The following ALK variants were observed in gnomAD, a reference collection of about 807,000 sequenced individuals.
The protein encoded by ALK is ALK receptor tyrosine kinase.
ALK carries 74 observed loss-of-function variants against 163.1 expected under a neutral mutation model. That is an observed-to-expected ratio of 0.45 (90% CI 0.38 to 0.55). The LOEUF (loss-of-function observed/expected upper bound fraction) is 0.55, where lower values mean the gene tolerates loss of function less well. Among genes scored for constraint, ALK ranks in the 20% least tolerant of loss-of-function variants. The pLI, the probability that ALK is intolerant of heterozygous loss-of-function variation, is 0.00. For missense variants in ALK, 2,063 were observed against 2,105.3 expected (o/e 0.98, Z 0.39); for synonymous variants, 960 against 843.2 (o/e 1.14, Z -2.40).
chr2:29,393,604 AACAAAG>A (rs1347068985), intron 4 of ALK, among the ~76,000 whole-genome samples: 6 of 152,292 alleles, frequency 3.9e-5, no homozygotes, highest in African/African-American at 1.4e-4. Flanking sequence ...CATCAAACCA[AACAAAG>A]ACATTGGGTC....
At chr2:29,423,887 T>C (rs999264400) in intron 4 of ALK, among the ~76,000 whole-genome samples, 7 of 152,174 alleles carry the variant, frequency 4.6e-5, no homozygotes, top group African/African-American at 1.7e-4. Flanking sequence ...TTATAAAATA[T>C]TAAAACAATA....
chr2:29,268,492 C>T (rs1374836113), intron 11 of ALK, among the ~76,000 whole-genome samples: 11 of 152,150 alleles, frequency 7.2e-5, no homozygotes, highest in African/African-American at 2.4e-4. Flanking sequence ...CACTTTGGCT[C>T]GTTCACAGCC....
At position 29,320,162 on chromosome 2, in the gene ALK, G is replaced by A. The variant is rs1336160132; in HGVS notation, c.1546+589C>T. Reference sequence around the variant, plus strand: ...ACCCAGGAGGGGCTGGCTATCTCTTGGCTGCGTGGAGGCCCTTTGCTCTCT... The same window carrying A: ...ACCCAGGAGGGGCTGGCTATCTCTTAGCTGCGTGGAGGCCCTTTGCTCTCT... On this transcript the variant is annotated intron_variant, in intron 7 of 28. Coordinates refer to ENST00000389048, the MANE Select transcript of ALK (RefSeq NM_004304.5). Among the ~76,000 whole-genome samples, 4 of 152,262 alleles carry A rather than the reference G, an allele frequency of 2.6e-5. No homozygotes were observed. The East Asian group carries it at 7.7e-4, about 29-fold the overall frequency.
chr2:29,852,091 G>A (rs1459929512), intron 1 of ALK, among the ~76,000 whole-genome samples: 2 of 152,142 alleles, frequency 1.3e-5, no homozygotes, highest in Admixed American at 6.5e-5. Flanking sequence ...TTTCTCTTCC[G>A]TTCCCTTAGA....
At chr2:29,194,792 A>C (rs1273736481) in intron 28 of ALK, among the ~76,000 whole-genome samples, 14 of 152,048 alleles carry the variant, frequency 9.2e-5, no homozygotes, top group Admixed American at 6.5e-4. Context: ...TGCTGGGATT[A>C]CAGGCATTCT....
At chr2:29,809,096 G>A (rs1277524583) in intron 1 of ALK, among the ~76,000 whole-genome samples, 1 of 152,190 alleles carries the variant, frequency 6.6e-6, no homozygotes, top group Non-Finnish European at 1.5e-5. Context: ...TAAACTTTAT[G>A]CAGAAGCTAA....
At chr2:29,557,309 C>T (rs538807227) in intron 3 of ALK, among the ~76,000 whole-genome samples, 2 of 152,166 alleles carry the variant, frequency 1.3e-5, no homozygotes, top group Admixed American at 1.3e-4. Flanking sequence ...ATTGAAAGTG[C>T]TTGATTCTCA....
chr2:29,821,545 G>A (rs552169818), intron 1 of ALK, among the ~76,000 whole-genome samples: 1 of 152,078 alleles, frequency 6.6e-6, no homozygotes, highest in Non-Finnish European at 1.5e-5. Flanking sequence ...GCCCTGAAAG[G>A]TCCAAGACCA....
chr2:29,906,387 T>C (rs138842741), intron 1 of ALK, among the ~76,000 whole-genome samples: 1 of 152,314 alleles, frequency 6.6e-6, no homozygotes, highest in African/African-American at 2.4e-5. Flanking sequence ...ATACTGAAGC[T>C]GCCCAATAAT....
chr2:29,666,951 T>C (rs1677531032), intron 3 of ALK, among the ~76,000 whole-genome samples: 1 of 152,156 alleles, frequency 6.6e-6, no homozygotes. Context: ...TTTGTCTTTC[T>C]GTGCCTGGCT....
intron 8 of ALK, among the ~76,000 whole-genome samples, chr2:29,297,485 T>C (rs1264941650): frequency 6.6e-6 from 1 of 152,210 alleles, no homozygotes; most frequent in African/African-American, 2.4e-5. Context: ...TTTCTTTTAG[T>C]GATTTAGGTA....
chr2:29,830,713 TAAAAAAAAA>T (rs530774574), intron 1 of ALK, among the ~76,000 whole-genome samples: 29 of 28,988 alleles, frequency 1.0e-3, no homozygotes, highest in African/African-American at 3.2e-3. Flanking sequence ...TAAAATAGTT[TAAAAAAAAA>T]AAAAAAAAAA....
chr2:29,720,592 T>G (rs879456098), intron 1 of ALK, among the ~76,000 whole-genome samples: 2 of 152,184 alleles, frequency 1.3e-5, no homozygotes, highest in Non-Finnish European at 2.9e-5. Context: ...AAAGCCCACA[T>G]GAATGCAGTT....
At chr2:29,236,389 G>A (rs1664382142) in intron 13 of ALK, among the ~76,000 whole-genome samples, 1 of 152,218 alleles carries the variant, frequency 6.6e-6, no homozygotes, top group Non-Finnish European at 1.5e-5. Context: ...CTGGGATGGG[G>A]AGGAGACAGC....
intron 5 of ALK, among the ~76,000 whole-genome samples, chr2:29,351,836 G>T (rs577800844): frequency 1.4e-4 from 22 of 152,302 alleles, no homozygotes; most frequent in Admixed American, 1.2e-3. Flanking sequence ...ACCAGAGAGA[G>T]AAGTGGCACT....
intron 1 of ALK, among the ~76,000 whole-genome samples, chr2:29,851,418 C>T (rs987202002): frequency 6.6e-6 from 1 of 152,186 alleles, no homozygotes; most frequent in African/African-American, 2.4e-5. Flanking sequence ...CCAAGACCTT[C>T]CTCTGGGATG....
chr2:29,646,787 AC>A (rs1676887839), intron 3 of ALK, among the ~76,000 whole-genome samples: 1 of 151,706 alleles, frequency 6.6e-6, no homozygotes, highest in Admixed American at 6.6e-5. Flanking sequence ...TTTCCTGACC[AC>A]CCTTTCAAAA....
intron 1 of ALK, among the ~76,000 whole-genome samples, chr2:29,799,860 A>G (rs1262736503): frequency 3.9e-5 from 6 of 152,212 alleles, no homozygotes; most frequent in African/African-American, 1.4e-4. Flanking sequence ...CAAGAAATGC[A>G]AAACTAGACC....
chr2:29,239,627 C>T lies in ALK; in HGVS notation c.2355+53G>A, dbSNP rs1375256543. On this transcript the variant is annotated intron_variant, in intron 13 of 28. Coordinates refer to ENST00000389048, the MANE Select transcript of ALK (RefSeq NM_004304.5). ...TTGAGTGTTGGTGCCTCCAAGAGGCCTTCCCGGGGCCTGACAGAGTGCAGA... is the reference window on the plus strand; with the variant it reads ...TTGAGTGTTGGTGCCTCCAAGAGGCTTTCCCGGGGCCTGACAGAGTGCAGA... 1.4e-5 allele frequency: 22 copies of T among 1,609,180 alleles called. No homozygotes were observed. In the Admixed American group the frequency reaches 2.5e-4, roughly 18 times the overall value.
Sources: gnomAD v4.1 joint callset for allele counts (sites outside exome capture counted in the v4.1 genomes callset) on GRCh38, gnomAD v4.1.1 for gene constraint, MANE v1.5 for transcripts, NCBI Gene and HGNC (gene_info 2026-07-23, HGNC 2026-07-21) for gene names.